PPP3CC: variants seen among roughly 807,000 people sequenced by gnomAD.
The protein encoded by PPP3CC is serine/threonine-protein phosphatase 2B catalytic subunit gamma isoform.
PPP3CC carries 35 observed loss-of-function variants against 60.3 expected under a neutral mutation model. That is an observed-to-expected ratio of 0.58 (90% CI 0.44 to 0.77). The LOEUF (loss-of-function observed/expected upper bound fraction) is 0.77. Ranked by LOEUF, PPP3CC falls within the 30% of genes least tolerant of loss-of-function variation. The pLI is 0.00. For synonymous variants in PPP3CC, 206 were observed against 224.3 expected (o/e 0.92, Z 0.73); for missense variants, 570 against 628.9 (o/e 0.91, Z 1.00).
chr8:22,474,060 A>C (rs1333512380), intron 1 of PPP3CC, among the ~76,000 whole-genome samples: 1 of 151,472 alleles, frequency 6.6e-6, no homozygotes, highest in Admixed American at 6.6e-5. Context: ...ACACCTGGCT[A>C]ATTTTTGTAT....
In PPP3CC at chr8:22,522,495, C is replaced by A. The variant is rs1463178084; in HGVS notation, c.775C>A (p.Pro259Thr). ...TTTTCTAATTTTCTTTTCCAGTTACCCTGCAGTTTGTGAATTTTTGCAGAA... is the reference window on the plus strand; with the variant it reads ...TTTTCTAATTTTCTTTTCCAGTTACACTGCAGTTTGTGAATTTTTGCAGAA... ...VRGCSYFYSY[P>T]AVCEFLQNNN... The change falls in exon 7 of 14, where the codon CCT (proline) becomes ACT (threonine). Residue 259 changes from proline to threonine, a missense_variant. Transcript: ENST00000240139. 6.2e-7 allele frequency: 1 copy of A among 1,606,626 alleles called. No individual in the cohort carries two copies. Among genetic ancestry groups the A allele is most frequent in the Non-Finnish European group, 8.5e-7 (1 of 1,176,306 alleles).
At position 22,468,294 on chromosome 8, in the gene PPP3CC, A is replaced by G. The variant is rs530414888; in HGVS notation, c.50-6660A>G. Among the ~76,000 whole-genome samples the G allele has an allele frequency of 2.5e-3, 376 of 152,146 alleles. 2 individuals carry two copies. Among genetic ancestry groups the G allele is most frequent in the African/African-American group, 8.4e-3 (348 of 41,526 alleles). ...AACTTTTGTATTTTTGGTAGAGGCA[A>G]GAGTGTCACCATGTTGGCCAGGCTG... On this transcript the variant is annotated intron_variant, in intron 1 of 13. Transcript: ENST00000240139.
intron 1 of PPP3CC, among the ~76,000 whole-genome samples, chr8:22,451,873 T>C (rs1164902830): frequency 3.3e-5 from 5 of 152,202 alleles, no homozygotes; most frequent in Non-Finnish European, 7.3e-5. Context: ...CCAACACATC[T>C]CATTATGTAT....
At chr8:22,452,038 G>A (rs10110254) in intron 1 of PPP3CC, among the ~76,000 whole-genome samples, 1 of 148,486 alleles carries the variant, frequency 6.7e-6, no homozygotes, top group Non-Finnish European at 1.5e-5. Flanking sequence ...TTTTTTAACA[G>A]TTTTAGAGAT....
intron 6 of PPP3CC, among the ~76,000 whole-genome samples, chr8:22,519,533 G>C (rs559178207): frequency 2.7e-3 from 406 of 151,960 alleles, no homozygotes; most frequent in Non-Finnish European, 5.0e-3. Context: ...TTGTTCATCG[G>C]GTTTGCATCA....
At position 22,514,520 on chromosome 8, in the gene PPP3CC, T is replaced by C. The variant is rs556882440; in HGVS notation, c.770+1088T>C. Among the ~76,000 whole-genome samples the C allele has an allele frequency of 5.5e-4, 83 of 151,986 alleles. 2 individuals are homozygous for C. The South Asian group carries it at 0.017, about 31-fold the overall frequency. ...TTTTTGTGGGTACATAGTAGGTATA[T>C]ATATTTATGGGTTATATGAGATATT... On this transcript the variant is annotated intron_variant, in intron 6 of 13. Transcript: ENST00000240139.
At chr8:22,452,062 G>A (rs1837049598) in intron 1 of PPP3CC, among the ~76,000 whole-genome samples, 2 of 147,122 alleles carry the variant, frequency 1.4e-5, no homozygotes, top group Admixed American at 6.9e-5. Context: ...GCCTCACTCT[G>A]TTGTCTAGGC....
At chr8:22,501,162 C>G (rs758265500) in intron 4 of PPP3CC, among the ~76,000 whole-genome samples, 4 of 151,684 alleles carry the variant, frequency 2.6e-5, no homozygotes, top group African/African-American at 7.3e-5. Flanking sequence ...CCTGTCTCAA[C>G]AACAACAACA....
At chr8:22,480,843 C>T (rs1838041257) in intron 3 of PPP3CC, among the ~76,000 whole-genome samples, 1 of 152,166 alleles carries the variant, frequency 6.6e-6, no homozygotes. Context: ...AGCCTGTAAT[C>T]CCACTGCTTT....
At chr8:22,531,838 G>C (rs1032472291) in intron 10 of PPP3CC, among the ~76,000 whole-genome samples, 1 of 152,208 alleles carries the variant, frequency 6.6e-6, no homozygotes, top group Non-Finnish European at 1.5e-5. Flanking sequence ...GCCGAACCCT[G>C]CACCCTAAGG....
rs768900583 is a variant in PPP3CC, at chr8:22,498,163, C to G, written c.484+51C>G. 26 of 1,147,512 alleles carry G rather than the reference C, an allele frequency of 2.3e-5. No individual in the cohort carries two copies. In the Admixed American group the frequency reaches 4.2e-4, roughly 19 times the overall value. 71.1% of individuals were successfully genotyped at this position (1,147,512 alleles called of 1,614,324 possible). On this transcript the variant is annotated intron_variant, in intron 4 of 13. Transcript: ENST00000240139. ...CTTTTTAGTTACCCTTTAACCTGTCCGAAGTAAATCAAACAGAAAGAAAAA... is the reference window on the plus strand; with the variant it reads ...CTTTTTAGTTACCCTTTAACCTGTCGGAAGTAAATCAAACAGAAAGAAAAA...
At chr8:22,453,073 AC>A in intron 1 of PPP3CC, among the ~76,000 whole-genome samples, 1 of 152,326 alleles carries the variant, frequency 6.6e-6, no homozygotes, top group Admixed American at 6.5e-5. Flanking sequence ...TCTGCTGATT[AC>A]CAGCCGTGTG....
At chr8:22,514,916 G>A (rs1220308393) in intron 6 of PPP3CC, among the ~76,000 whole-genome samples, 1 of 151,840 alleles carries the variant, frequency 6.6e-6, no homozygotes, top group Non-Finnish European at 1.5e-5. Flanking sequence ...AACCTCAAGT[G>A]ATCCACCCAC....
rs1259102637 is a variant in PPP3CC, at chr8:22,540,947, T to C, written c.*145T>C. 1 of 729,448 alleles carries C rather than the reference T, an allele frequency of 1.4e-6. No homozygotes were observed. The highest frequency in any genetic ancestry group is 3.1e-5 in the East Asian group (1 of 31,756). 45.2% of individuals were successfully genotyped at this position (729,448 alleles called of 1,614,324 possible). A position where few individuals can be genotyped will look rare whatever the true frequency, so the allele number is the denominator to read the frequency against. On this transcript the variant is annotated 3_prime_UTR_variant, in exon 14 of 14. Transcript: ENST00000240139. ...AGTCTGCATTTATTCTGTAAAAAGGTGGCTGTTTTATAAATTCTTTTAATT... is the reference window on the plus strand; with the variant it reads ...AGTCTGCATTTATTCTGTAAAAAGGCGGCTGTTTTATAAATTCTTTTAATT...
intron 4 of PPP3CC, among the ~76,000 whole-genome samples, chr8:22,505,630 T>C (rs1838893294): frequency 6.6e-6 from 1 of 152,152 alleles, no homozygotes; most frequent in Non-Finnish European, 1.5e-5. Flanking sequence ...GAGAATTAAA[T>C]TGACATGAGA....
intron 4 of PPP3CC, among the ~76,000 whole-genome samples, chr8:22,505,730 T>C (rs920698950): frequency 6.6e-6 from 1 of 152,136 alleles, no homozygotes; most frequent in African/African-American, 2.4e-5. Context: ...ATCCAGAGAC[T>C]CAGAGTTGAA....
intron 12 of PPP3CC, among the ~76,000 whole-genome samples, chr8:22,538,162 A>G (rs1839885246): frequency 6.6e-6 from 1 of 152,228 alleles, no homozygotes; most frequent in East Asian, 1.9e-4. Flanking sequence ...CTTTATACCC[A>G]ATGTGAATAG....
chr8:22,471,879 C>T (rs1837733077), intron 1 of PPP3CC, among the ~76,000 whole-genome samples: 1 of 152,156 alleles, frequency 6.6e-6, no homozygotes, highest in African/African-American at 2.4e-5. Context: ...GTAATCCCAG[C>T]ACTTTGGGAT....
At chr8:22,465,206 C>T (rs932983947) in intron 1 of PPP3CC, among the ~76,000 whole-genome samples, 1 of 152,222 alleles carries the variant, frequency 6.6e-6, no homozygotes, top group South Asian at 2.1e-4. Flanking sequence ...AGCATTCTGC[C>T]TGGCTCAGCC....
Sources: allele counts gnomAD v4.1 joint callset (sites outside exome capture counted in the v4.1 genomes callset), GRCh38; gene constraint gnomAD v4.1.1; transcripts MANE v1.5; gene names NCBI Gene and HGNC (gene_info 2026-07-23, HGNC 2026-07-21).